The following POTEE variants were observed in gnomAD, a reference collection of about 807,000 sequenced individuals.
POTEE encodes the protein POTE ankyrin domain family member E, also known as ANKRD26-like family C member 1A.
Under a neutral mutation model 74.2 loss-of-function variants are expected in POTEE, and 21 were observed. The ratio of observed to expected loss-of-function variants is 0.28; its 90% CI spans 0.20 to 0.41. The LOEUF is 0.41. Ranked by LOEUF, POTEE falls within the 10% of genes least tolerant of loss-of-function variation. The pLI is 1.00. For missense variants in POTEE, 525 were observed against 1,158.6 expected (o/e 0.45, Z 7.94); for synonymous variants, 211 against 432.8 (o/e 0.49, Z 6.36).
intron 4 of POTEE, among the ~76,000 whole-genome samples, chr2:131,221,927 A>T (rs1439894093): frequency 6.6e-6 from 1 of 152,228 alleles, no homozygotes; most frequent in African/African-American, 2.4e-5. Context: ...CATAAGCCAG[A>T]CACCTATTAT....
At chr2:131,215,814 A>G (rs1277607864) in intron 2 of POTEE, among the ~76,000 whole-genome samples, 1 of 136,448 alleles carries the variant, frequency 7.3e-6, no homozygotes, top group Non-Finnish European at 1.6e-5. Context: ...CAATCAGTGT[A>G]TTACAACAGA....
At chr2:131,229,223 G>A (rs111681588) in intron 8 of POTEE, among the ~76,000 whole-genome samples, 91 of 152,264 alleles carry the variant, frequency 6.0e-4, no homozygotes, top group Admixed American at 4.4e-3. Context: ...TCTGGCAGAT[G>A]TTAGGTGGGC....
chr2:131,220,428 A>G (rs1225925244), intron 4 of POTEE, among the ~76,000 whole-genome samples: 1 of 150,390 alleles, frequency 6.6e-6, no homozygotes, highest in Non-Finnish European at 1.5e-5. Context: ...CAGGTCTTGA[A>G]CTCCTGTCCT....
In POTEE at chr2:131,243,374, TCTC is replaced by T. The variant is rs1371358888; in HGVS notation, c.1410-2029_1410-2027del. Among the ~76,000 whole-genome samples, 4 of 146,240 alleles carry T rather than the reference TCTC, an allele frequency of 2.7e-5. No individual in the cohort carries two copies. The East Asian group carries it at 8.6e-4, about 31-fold the overall frequency. On this transcript the variant is annotated intron_variant, in intron 12 of 17. Coordinates refer to ENST00000683005, the MANE Select transcript of POTEE (RefSeq NM_001083538.3). Reference sequence around the variant, plus strand: ...CATTTCATTTTCCTGCTTTAGTTTTTCTCCTCTAACATACCGTATATTTTGCCT... The same window carrying T: ...CATTTCATTTTCCTGCTTTAGTTTTTCTCTAACATACCGTATATTTTGCCT...
At chr2:131,212,570 CTTT>C (rs70994744) in intron 2 of POTEE, among the ~76,000 whole-genome samples, 5 of 26,782 alleles carry the variant, frequency 1.9e-4, no homozygotes, top group African/African-American at 8.2e-4. Context: ...TGTTTTCTTT[CTTT>C]TTTTTTTTGA....
chr2:131,209,751 C>T lies in POTEE; in HGVS notation c.-413C>T, dbSNP rs1438513653. 6.6e-6 allele frequency among the ~76,000 whole-genome samples: 1 copy of T among 152,212 alleles called. No individual in the cohort carries two copies. The highest frequency in any genetic ancestry group is 2.4e-5 in the African/African-American group (1 of 41,462). Reference sequence around the variant, plus strand: ...CTGGAGCCTGAGCCCCTGGGGCTCGCCTTGCTGTGTTTGGTGGTGACGTGG... The same window carrying T: ...CTGGAGCCTGAGCCCCTGGGGCTCGTCTTGCTGTGTTTGGTGGTGACGTGG... On this transcript the variant is annotated 5_prime_UTR_variant, in exon 1 of 18. Coordinates refer to ENST00000683005, the MANE Select transcript of POTEE (RefSeq NM_001083538.3).
intron 4 of POTEE, among the ~76,000 whole-genome samples, chr2:131,222,746 G>A (rs947633681): frequency 4.6e-5 from 7 of 151,990 alleles, no homozygotes; most frequent in African/African-American, 1.7e-4. Flanking sequence ...GTTTTCTTTG[G>A]CTTAAAGTTT....
chr2:131,231,453 G>A (rs1169649132), intron 9 of POTEE, among the ~76,000 whole-genome samples: 1 of 152,068 alleles, frequency 6.6e-6, no homozygotes, highest in East Asian at 1.9e-4. Flanking sequence ...CCTGGGAGTT[G>A]AGGACCCCTG....
intron 4 of POTEE, 137 bp downstream of exon 4, chr2:131,219,060 G>C: frequency 6.9e-7 from 1 of 1,441,824 alleles, no homozygotes; most frequent in South Asian, 1.4e-5. Flanking sequence ...ACCTCAGAGA[G>C]GTCAGGGTAC....
At chr2:131,210,012 T>G (rs1272361587) in intron 1 of POTEE, among the ~76,000 whole-genome samples, 193 bp downstream of exon 1, 48 of 14,010 alleles carry the variant, frequency 3.4e-3, no homozygotes, top group Admixed American at 6.8e-3. Context: ...GTGGCGGGGG[T>G]GGTGGGGGGG....
chr2:131,230,711 G>A, intron 8 of POTEE, 125 bp from the exon 9 acceptor site: 1 of 887,980 alleles, frequency 1.1e-6, no homozygotes, highest in South Asian at 1.7e-5. Context: ...AAGTGGATGG[G>A]ATAATACTAT....
rs973265522 is a variant in POTEE at position 131,211,045 on chromosome 2, G to T, written c.-327G>T. ...CATTCTAGGCTTTTCTGGCTTTGCC[G>T]GTCTAGCTGCTCCAAGCCAGGCTGG... On this transcript the variant is annotated 5_prime_UTR_variant, in exon 2 of 18. Transcript: ENST00000683005. Among the ~76,000 whole-genome samples the T allele has an allele frequency of 1.4e-5, 2 of 146,056 alleles. No individual in the cohort carries two copies. The highest frequency in any genetic ancestry group is 2.1e-4 in the South Asian group (1 of 4,708).
chr2:131,219,744 A>G (rs1290831471), intron 4 of POTEE, among the ~76,000 whole-genome samples: 1 of 152,044 alleles, frequency 6.6e-6, no homozygotes, highest in Non-Finnish European at 1.5e-5. Context: ...TTCAAAAAAA[A>G]AAAAAAAAGA....
intron 2 of POTEE, among the ~76,000 whole-genome samples, chr2:131,214,362 A>G (rs1460617350): frequency 6.6e-6 from 1 of 152,252 alleles, no homozygotes; most frequent in Non-Finnish European, 1.5e-5. Flanking sequence ...GAAATGTTAT[A>G]TGAGAGAGGA....
Position 131,224,990 on chromosome 2 carries a change from G to A in POTEE, c.810+947G>A, listed in dbSNP as rs1390615207. On this transcript the variant is annotated intron_variant, in intron 6 of 17. Coordinates refer to ENST00000683005, the MANE Select transcript of POTEE (RefSeq NM_001083538.3). ...GACTAGACCCTGTTCTTCTCTTACCGGGGAAAATCATGTGGTGTTTTCAGC... is the reference window on the plus strand; with the variant it reads ...GACTAGACCCTGTTCTTCTCTTACCAGGGAAAATCATGTGGTGTTTTCAGC... Among the ~76,000 whole-genome samples, 3 of 152,058 alleles carry A rather than the reference G, an allele frequency of 2.0e-5. No homozygotes were observed. The East Asian group carries it at 5.8e-4, about 29-fold the overall frequency.
At chr2:131,233,332 G>A (rs964328030) in intron 9 of POTEE, among the ~76,000 whole-genome samples, 2 of 151,784 alleles carry the variant, frequency 1.3e-5, no homozygotes, top group Non-Finnish European at 2.9e-5. Flanking sequence ...TTATATGTAA[G>A]CAAACAGGCA....
chr2:131,229,736 G>T (rs1700890780), intron 8 of POTEE: 1 of 152,270 alleles, frequency 6.6e-6, no homozygotes, highest in African/African-American at 2.4e-5. Context: ...AAGGTCATTT[G>T]ACTATTTGCT....
At chr2:131,215,395 T>C (rs1383200189) in intron 2 of POTEE, among the ~76,000 whole-genome samples, 4 of 152,170 alleles carry the variant, frequency 2.6e-5, no homozygotes, top group African/African-American at 9.7e-5. Context: ...TTAGAAATAG[T>C]ATTCTGGATT....
At chr2:131,235,792 C>CAAAAAAAAAAAAAAAAAAAAAA (rs1203876832) in intron 9 of POTEE, among the ~76,000 whole-genome samples, 2 of 79,130 alleles carry the variant, frequency 2.5e-5, no homozygotes, top group Non-Finnish European at 4.4e-5. Context: ...GACCCTGGCT[C>CAAAAAAAAAAAAAAAAAAAAAA]AAAAAAAAAA....
Sources: allele counts gnomAD v4.1 joint callset (sites outside exome capture counted in the v4.1 genomes callset), GRCh38; gene constraint gnomAD v4.1.1; transcripts MANE v1.5; gene names NCBI Gene and HGNC (gene_info 2026-07-23, HGNC 2026-07-21).